The following DENND5B variants were observed in gnomAD, a reference collection of about 807,000 sequenced individuals.
DENND5B encodes the protein DENN domain-containing protein 5B.
DENND5B carries 34 observed loss-of-function variants against 140.6 expected under a neutral mutation model. The observed-to-expected ratio is 0.24, with a 90% confidence interval of 0.18 to 0.32. The LOEUF (loss-of-function observed/expected upper bound fraction) is 0.32. Among genes scored for constraint, DENND5B ranks in the 10% least tolerant of loss-of-function variants. The pLI is 1.00. For missense variants in DENND5B, 1,142 were observed against 1,560.2 expected (o/e 0.73, Z 4.52); for synonymous variants, 551 against 562.1 (o/e 0.98, Z 0.28).
intron 1 of DENND5B, among the ~76,000 whole-genome samples, chr12:31,559,640 CTTA>C (rs1949406737): frequency 6.6e-6 from 1 of 151,702 alleles, no homozygotes; most frequent in Non-Finnish European, 1.5e-5. Flanking sequence ...TCTGACAGCA[CTTA>C]TTAATATCTG....
intron 1 of DENND5B, among the ~76,000 whole-genome samples, chr12:31,503,753 G>A (rs1392339691): frequency 2.6e-5 from 4 of 152,112 alleles, no homozygotes; most frequent in South Asian, 4.1e-4. Context: ...CATAGTCCTC[G>A]TTTCCGGTTT....
intron 7 of DENND5B, among the ~76,000 whole-genome samples, chr12:31,434,235 A>T (rs1481344453): frequency 2.0e-5 from 3 of 151,860 alleles, no homozygotes; most frequent in Non-Finnish European, 4.4e-5. Context: ...AAAACTCTTA[A>T]ATATAAAGAC....
intron 2 of DENND5B, among the ~76,000 whole-genome samples, chr12:31,484,073 C>T (rs975231199): frequency 2.0e-5 from 3 of 151,946 alleles, no homozygotes; most frequent in African/African-American, 7.2e-5. Flanking sequence ...AGGCTGGTCT[C>T]AAACTCCTGA....
At position 31,384,059 on chromosome 12, in the gene DENND5B, CTA is replaced by C. The variant is rs1200823222; in HGVS notation, c.*3542_*3543del. The C allele has an allele frequency of 6.6e-6, 1 of 152,184 alleles. No homozygotes were observed. Among genetic ancestry groups the C allele is most frequent in the Non-Finnish European group, 1.5e-5 (1 of 68,030 alleles). 9.4% of individuals were successfully genotyped at this position (152,184 alleles called of 1,614,324 possible). ...AATTACCACAGCAGAAAAGATGCCT[CTA>C]TGTGGGTATGGTCCTTCCAAAAGTC... On this transcript the variant is annotated 3_prime_UTR_variant, in exon 21 of 21. Coordinates refer to ENST00000389082, the MANE Select transcript of DENND5B (RefSeq NM_144973.4).
In DENND5B at chr12:31,479,775, G is replaced by A. The variant is rs1341575209; in HGVS notation, c.718C>T (p.Pro240Ser). 10 of 1,610,082 alleles carry A rather than the reference G, an allele frequency of 6.2e-6. No individual in the cohort carries two copies. The highest frequency in any genetic ancestry group is 3.4e-5 in the Admixed American group (2 of 59,198). The part of the protein sequence containing the change: ...HNILYEVPLP[P>S]PGRSLKFYGV... ...TAAAATTTCAGTGACCTCCCTGGAG[G>A]TGGAAGGGGTACTTCATAAAGAATA... is the stretch of plus-strand genomic sequence containing the variant. The change falls in exon 3 of 21, where the codon CCT becomes TCT. Residue 240 changes from proline (P) to serine (S), a missense_variant. Pro to Ser is a moderately conservative substitution (Grantham distance 74). Coordinates refer to ENST00000389082, the MANE Select transcript of DENND5B (RefSeq NM_144973.4).
chr12:31,470,468 T>C (rs933641905), intron 3 of DENND5B, among the ~76,000 whole-genome samples: 2 of 152,128 alleles, frequency 1.3e-5, no homozygotes, highest in Admixed American at 6.5e-5. Flanking sequence ...CAGGCTGGTC[T>C]TGAACTCTTG....
chr12:31,434,250 G>A (rs981035559), intron 7 of DENND5B, among the ~76,000 whole-genome samples: 1 of 152,108 alleles, frequency 6.6e-6, no homozygotes, highest in Non-Finnish European at 1.5e-5. Flanking sequence ...AAAGACCTCT[G>A]CTTCATTCTC....
intron 5 of DENND5B, among the ~76,000 whole-genome samples, chr12:31,448,853 A>G (rs1428377616): frequency 1.5e-5 from 2 of 130,160 alleles, no homozygotes; most frequent in African/African-American, 2.6e-5. Context: ...TTCCAAAAAA[A>G]CAAACAAACA....
At chr12:31,402,999 T>A (rs1941894081) in intron 14 of DENND5B, among the ~76,000 whole-genome samples, 1 of 152,336 alleles carries the variant, frequency 6.6e-6, no homozygotes, top group East Asian at 1.9e-4. Flanking sequence ...TAAATTTTCT[T>A]AAAAATTAAT....
chr12:31,502,421 T>C (rs1282581857), intron 1 of DENND5B, among the ~76,000 whole-genome samples: 1 of 152,248 alleles, frequency 6.6e-6, no homozygotes, highest in African/African-American at 2.4e-5. Flanking sequence ...TGCTTTATAC[T>C]GATATCCCAT....
Position 31,415,414 on chromosome 12 carries a change from T to C in DENND5B, c.2505A>G (p.Ser835=), listed in dbSNP as rs780001469. ...CCCTGAGCGTTGGCAACATAACTCCTGAGTCAGATTTTCTTCTTTCTGGTC... is the reference window on the plus strand; with the variant it reads ...CCCTGAGCGTTGGCAACATAACTCCCGAGTCAGATTTTCTTCTTTCTGGTC... ...ALGPERRKSD[S]GVMLPTLRVS... Residue 835 remains serine, a synonymous_variant, in exon 12 of 21, where the codon TCA becomes TCG. Coordinates refer to ENST00000389082, the MANE Select transcript of DENND5B (RefSeq NM_144973.4). The C allele has an allele frequency of 1.9e-6, 3 of 1,610,216 alleles. No individual in the cohort carries two copies. Among genetic ancestry groups the C allele is most frequent in the South Asian group, 1.1e-5 (1 of 90,222 alleles).
chr12:31,480,021 A>G lies in DENND5B; in HGVS notation c.472T>C (p.Leu158=), dbSNP rs770951854. 7.4e-6 allele frequency: 12 copies of G among 1,614,024 alleles called. No individual in the cohort carries two copies. The highest frequency in any genetic ancestry group is 6.7e-5 in the Admixed American group (4 of 60,032). The change falls in exon 3 of 21, where the codon TTG becomes CTG. Residue 158 remains leucine, a synonymous_variant. Transcript: ENST00000389082. ...TCTCCTTCATCAAGACTACTTGCCA[A>G]TGAGTCCATACTGCAGGAAGATGAA... is the stretch of plus-strand genomic sequence containing the variant. ...YASSSCSMDS[L]ASSLDEGDTT... is the part of the protein sequence containing the mutation.
Position 31,447,660 on chromosome 12 carries a change from T to A in DENND5B, c.1739A>T (p.Glu580Val), listed in dbSNP as rs1944330063. 6.2e-7 allele frequency: 1 copy of A among 1,613,654 alleles called. No individual in the cohort carries two copies. The highest frequency in any genetic ancestry group is 1.3e-5 in the African/African-American group (1 of 74,914). The change falls in exon 6 of 21, where the codon GAA becomes GTA. Residue 580 changes from glutamate (E) to valine (V), a missense_variant. Around this residue, in one of 5 missense-constraint regions of DENND5B, gnomAD observed 708 missense variants for 905.5 expected, o/e 0.78. Transcript: ENST00000389082. ...GACCCGAAGCAAAGGATCTTTCTCT[T>A]CCCACTGAGACATAATTTTATTATC... Reference protein sequence around the residue: ...FIDNKIMSQWEEKDPLLRVFD... With the variant: ...FIDNKIMSQWVEKDPLLRVFD...
chr12:31,563,246 T>C (rs1188357591), intron 1 of DENND5B, among the ~76,000 whole-genome samples: 2 of 152,196 alleles, frequency 1.3e-5, no homozygotes, highest in African/African-American at 2.4e-5. Flanking sequence ...TACAAATTTA[T>C]AACACAAACA....
At chr12:31,454,898 A>G (rs1386166988) in intron 4 of DENND5B, among the ~76,000 whole-genome samples, 2 of 137,830 alleles carry the variant, frequency 1.5e-5, no homozygotes, top group East Asian at 4.3e-4. Flanking sequence ...GGCTCACTGC[A>G]ACCTCTGCCT....
chr12:31,417,356 CAA>C (rs767142927), intron 11 of DENND5B, among the ~76,000 whole-genome samples: 212 of 40,098 alleles, frequency 5.3e-3, no homozygotes, highest in East Asian at 0.037. Flanking sequence ...GACTCTGTCT[CAA>C]AAAAAAAAAA....
In DENND5B at chr12:31,477,992, C is replaced by T. The variant is rs919388534; in HGVS notation, c.904+1597G>A. ...CAGAAAGCAATTAACTCCTAATGCC[C>T]AAGGAGCTTCAGATTAAAAAATGGA... is the stretch of plus-strand genomic sequence containing the variant. On this transcript the variant is annotated intron_variant, in intron 3 of 20. Transcript: ENST00000389082. 2.4e-5 allele frequency: 5 copies of T among 206,054 alleles called. No homozygotes were observed. The South Asian group carries it at 3.1e-4, about 13-fold the overall frequency. 12.8% of individuals were successfully genotyped at this position (206,054 alleles called of 1,614,324 possible). A position where few individuals can be genotyped will look rare whatever the true frequency, so the allele number is the denominator to read the frequency against.
intron 1 of DENND5B, among the ~76,000 whole-genome samples, chr12:31,525,366 A>G (rs1948050431): frequency 6.6e-6 from 1 of 152,268 alleles, no homozygotes; most frequent in African/African-American, 2.4e-5. Context: ...ATAGGAATGT[A>G]GTACTGATGA....
chr12:31,389,527 A>G (rs76782995), intron 19 of DENND5B, 29 bp from the exon 20 acceptor site: 2 of 1,548,280 alleles, frequency 1.3e-6, no homozygotes, highest in Admixed American at 2.0e-5. Flanking sequence ...ATTATGTCAC[A>G]ATATGTGTCA....
Sources: gnomAD v4.1 joint callset for allele counts (sites outside exome capture counted in the v4.1 genomes callset) on GRCh38, gnomAD v4.1.1 for gene constraint, gnomAD v4.1.1 regional missense constraint, MANE v1.5 for transcripts, NCBI Gene and HGNC (gene_info 2026-07-23, HGNC 2026-07-21) for gene names.